The following CAPS2 variants were observed in gnomAD, a reference collection of about 807,000 sequenced individuals.
CAPS2 encodes the protein calcyphosine 2.
In CAPS2, 98 loss-of-function variants were observed where a neutral mutation model predicts 86.5. The observed-to-expected ratio is 1.13, with a 90% confidence interval of 0.96 to 1.34. The LOEUF is 1.34. Ranked by LOEUF, CAPS2 falls within the 40% of genes most tolerant of loss-of-function variation. CAPS2 has a pLI of 0.00. For missense variants in CAPS2, 729 were observed against 686.8 expected (o/e 1.06, Z -0.69); for synonymous variants, 210 against 225.1 (o/e 0.93, Z 0.60).
intron 15 of CAPS2, among the ~76,000 whole-genome samples, chr12:75,283,279 C>T (rs1178270476): frequency 1.3e-5 from 2 of 152,156 alleles, no homozygotes; most frequent in Admixed American, 1.3e-4. Context: ...AAGCAACATT[C>T]TGCATTCGTA....
intron 1 of CAPS2, among the ~76,000 whole-genome samples, chr12:75,335,385 G>T (rs2041657583): frequency 6.6e-6 from 1 of 151,998 alleles, no homozygotes; most frequent in Non-Finnish European, 1.5e-5. Flanking sequence ...GTACTCTATT[G>T]AAGAATAAGC....
At chr12:75,329,892 G>T, upstream of CAPS2, 1 of 1,543,854 alleles carries the variant, frequency 6.5e-7, no homozygotes. Context: ...GGACAGGACA[G>T]GCGAGGGGCA....
rs1228007083 is a variant in CAPS2 at position 75,388,708 on chromosome 12, C to A, written c.-395+2130G>T. Among the ~76,000 whole-genome samples, 3 of 152,188 alleles carry A rather than the reference C, an allele frequency of 2.0e-5. No individual in the cohort carries two copies. The East Asian group carries it at 5.8e-4, about 29-fold the overall frequency. On this transcript the variant is annotated intron_variant, in intron 1 of 5. Transcript: ENST00000551829. The stretch of plus-strand genomic sequence containing the variant: ...AAACGACTCTATATGGTACTAAATG[C>A]TGGAAACATGTCATTATACATTTAT...
At chr12:75,329,757 C>A, upstream of CAPS2, 1 of 1,310,270 alleles carries the variant, frequency 7.6e-7, no homozygotes. Context: ...TTCCTAATTT[C>A]AAGCAAAACA....
chr12:75,328,042 T>C (rs553291507), upstream of CAPS2, among the ~76,000 whole-genome samples: 2 of 151,976 alleles, frequency 1.3e-5, no homozygotes, highest in Non-Finnish European at 2.9e-5. Context: ...CAACCAATAG[T>C]AAACATATTC....
chr12:75,277,034 C>T (rs1225615882), downstream of CAPS2: 25 of 984,376 alleles, frequency 2.5e-5, no homozygotes, highest in Non-Finnish European at 3.0e-5. Context: ...TCAGGCAAAT[C>T]CAAAAGCAGA....
chr12:75,293,711 C>A (rs577342041), intron 11 of CAPS2, among the ~76,000 whole-genome samples: 6 of 152,042 alleles, frequency 3.9e-5, no homozygotes, highest in Non-Finnish European at 1.5e-5. Context: ...AATGACATAC[C>A]ACAAACTGAA....
At chr12:75,311,699 G>GAAAAAAAAAAAAAAAAAAAA (rs764314438) in intron 7 of CAPS2, among the ~76,000 whole-genome samples, 1 of 16,994 alleles carries the variant, frequency 5.9e-5, no homozygotes, top group African/African-American at 1.2e-4. Context: ...AAGCCATGCA[G>GAAAAAAAAAAAAAAAAAAAA]GAAAAAAAAA....
chr12:75,364,788 T>A (rs1187473859), intron 1 of CAPS2: 2 of 152,208 alleles, frequency 1.3e-5, no homozygotes, highest in East Asian at 1.9e-4. Context: ...TTGTCTTTAG[T>A]AATGTGTCCC....
At chr12:75,328,165 T>C (rs1257511504), upstream of CAPS2, among the ~76,000 whole-genome samples, 1 of 152,188 alleles carries the variant, frequency 6.6e-6, no homozygotes, top group East Asian at 1.9e-4. Context: ...TGCTGTTGTT[T>C]TGTTTTGGAG....
intron 8 of CAPS2, among the ~76,000 whole-genome samples, chr12:75,300,876 A>C (rs2037730126): frequency 6.6e-6 from 1 of 152,238 alleles, no homozygotes; most frequent in Non-Finnish European, 1.5e-5. Context: ...CTATATAAGA[A>C]AAATAAATCC....
chr12:75,370,817 C>T (rs1324131722), intron 1 of CAPS2, among the ~76,000 whole-genome samples: 2 of 152,086 alleles, frequency 1.3e-5, no homozygotes, highest in Non-Finnish European at 1.5e-5. Flanking sequence ...TAGGTAACAA[C>T]ATTTCTACAA....
chr12:75,382,424 G>A (rs1028428130), intron 1 of CAPS2, among the ~76,000 whole-genome samples: 4 of 152,072 alleles, frequency 2.6e-5, no homozygotes, highest in East Asian at 1.9e-4. Context: ...TAGATCACCC[G>A]AGGTCAGGAG....
intron 16 of CAPS2, among the ~76,000 whole-genome samples, 189 bp downstream of exon 16, chr12:75,282,062 A>G (rs2034048695): frequency 6.6e-6 from 1 of 152,138 alleles, no homozygotes; most frequent in South Asian, 2.1e-4. Flanking sequence ...CAAATAATCA[A>G]ATGAGTATGG....
intron 1 of CAPS2, among the ~76,000 whole-genome samples, chr12:75,350,204 C>A (rs143294086): frequency 1.5e-3 from 222 of 152,326 alleles, no homozygotes; most frequent in African/African-American, 5.0e-3. Flanking sequence ...ATTTTCAGCA[C>A]CCCCAGCCAG....
intron 1 of CAPS2, among the ~76,000 whole-genome samples, chr12:75,358,484 A>G (rs2043302460): frequency 6.6e-6 from 1 of 151,382 alleles, no homozygotes; most frequent in African/African-American, 2.4e-5. Context: ...CAATAGATTC[A>G]GAAAAAGCCA....
At chr12:75,337,391 A>T (rs2041810126) in intron 1 of CAPS2, among the ~76,000 whole-genome samples, 1 of 151,910 alleles carries the variant, frequency 6.6e-6, no homozygotes, top group Non-Finnish European at 1.5e-5. Context: ...CTCAAAAATC[A>T]ATTTTAGGAA....
chr12:75,367,238 T>C (rs1271442888), intron 1 of CAPS2, among the ~76,000 whole-genome samples: 1 of 128,102 alleles, frequency 7.8e-6, no homozygotes, highest in Non-Finnish European at 1.6e-5. Flanking sequence ...TAAACTAGAA[T>C]TAGGATCCTA....
chr12:75,295,078 T>C (rs895190218), intron 11 of CAPS2: 1 of 151,944 alleles, frequency 6.6e-6, no homozygotes, highest in Non-Finnish European at 1.5e-5. Context: ...CAATAGCCTG[T>C]GGACAAGTTA....
Sources: allele counts gnomAD v4.1 joint callset (sites outside exome capture counted in the v4.1 genomes callset), GRCh38; gene constraint gnomAD v4.1.1; transcripts MANE v1.5; gene names NCBI Gene and HGNC (gene_info 2026-07-23, HGNC 2026-07-21).